The following PRKX variants were observed in gnomAD, a reference collection of about 807,000 sequenced individuals.
PRKX encodes the protein protein kinase cAMP-dependent X-linked catalytic subunit.
Under a neutral mutation model 22.0 loss-of-function variants are expected in PRKX, and 12 were observed. The ratio of observed to expected loss-of-function variants is 0.54; its 90% CI spans 0.35 to 0.88. The LOEUF (loss-of-function observed/expected upper bound fraction) is 0.88. PRKX is among the 40% of genes least tolerant of loss of function. PRKX has a pLI of 0.01. For synonymous variants in PRKX, 134 were observed against 137.7 expected (o/e 0.97, Z 0.19); for missense variants, 217 against 308.0 (o/e 0.70, Z 2.21).
chrX:3,700,409 C>A (rs767330610), intron 1 of PRKX, among the ~76,000 whole-genome samples: 1 of 112,130 alleles, frequency 8.9e-6, no homozygotes, highest in Admixed American at 9.5e-5. Flanking sequence ...AAAATAAAAT[C>A]CTAACCTATT....
rs57311083 is a variant in PRKX, at chrX:3,650,879, TAAAAAAAAAAAAAAA to T, written c.599+4255_599+4269del. The stretch of plus-strand genomic sequence containing the variant: ...GAGTGACAGAGTAAGACCCTGTCTT[TAAAAAAAAAAAAAAA>T]AAAAAAAAAAAATTATTCAAGATGA... On this transcript the variant is annotated intron_variant, in intron 3 of 8. Coordinates refer to ENST00000262848, the MANE Select transcript of PRKX (RefSeq NM_005044.5). Among the ~76,000 whole-genome samples the T allele has an allele frequency of 4.9e-5, 4 of 82,005 alleles. No individual in the cohort carries two copies. In the East Asian group the frequency reaches 1.3e-3, roughly 28 times the overall value. 71.2% of individuals were successfully genotyped at this position (82,005 alleles called of 115,157 possible). A position where few individuals can be genotyped will look rare whatever the true frequency, so the allele number is the denominator to read the frequency against.
intron 1 of PRKX, among the ~76,000 whole-genome samples, chrX:3,702,994 G>T (rs1016396916): frequency 1.8e-5 from 2 of 110,142 alleles, no homozygotes; most frequent in African/African-American, 6.9e-5. Flanking sequence ...AAGCCCAGCC[G>T]TATTTTTCAA....
intron 1 of PRKX, among the ~76,000 whole-genome samples, chrX:3,697,253 C>A (rs1325753396): frequency 9.0e-6 from 1 of 111,182 alleles, no homozygotes; most frequent in Non-Finnish European, 1.9e-5. Flanking sequence ...GTAGTCTCAG[C>A]TACTCGGGAA....
In PRKX at chrX:3,610,437, G is replaced by A. The variant is rs191059381; in HGVS notation, c.*24-1492C>T. The stretch of plus-strand genomic sequence containing the variant: ...GCGGAGGTTGCAGTGAGCTGAGATC[G>A]CACCACTGCAATCCAGCCTGGGCAA... On this transcript the variant is annotated intron_variant, in intron 8 of 8. Transcript: ENST00000262848. Among the ~76,000 whole-genome samples the A allele has an allele frequency of 8.2e-3, 913 of 110,938 alleles. 14 individuals carry two copies. Among genetic ancestry groups the A allele is most frequent in the African/African-American group, 0.029 (881 of 30,544 alleles).
chrX:3,708,337 G>A (rs780190332), intron 1 of PRKX, among the ~76,000 whole-genome samples: 148 of 110,722 alleles, frequency 1.3e-3, no homozygotes, highest in African/African-American at 4.6e-3. Flanking sequence ...CCACCCAGTC[G>A]GTGGTGTTTT....
chrX:3,674,695 T>A lies in PRKX; in HGVS notation c.238A>T (p.Met80Leu). The change falls in exon 2 of 9, where the codon ATG (methionine) becomes TTG (leucine). Residue 80 changes from methionine (M) to leucine (L), a missense_variant. Transcript: ENST00000262848. ...AGGCGGATGACGTCGGGAATGCTCA[T>A]CACCTTGAGGGCGAAGAAATGCTTG... is the stretch of plus-strand genomic sequence containing the variant. ...TAKHFFALKVMSIPDVIRLKQ... is the reference protein window; with the variant it reads ...TAKHFFALKVLSIPDVIRLKQ... The A allele has an allele frequency of 1.7e-6, 2 of 1,211,338 alleles. No individual in the cohort carries two copies. The highest frequency in any genetic ancestry group is 2.2e-6 in the Non-Finnish European group (2 of 895,021).
intron 1 of PRKX, among the ~76,000 whole-genome samples, chrX:3,698,904 T>C (rs1461390956): frequency 9.3e-6 from 1 of 107,498 alleles, no homozygotes; most frequent in Non-Finnish European, 1.9e-5. Flanking sequence ...TTTTCACTTT[T>C]AGAGAGGTGG....
chrX:3,692,231 A>G (rs1187878670), intron 1 of PRKX, among the ~76,000 whole-genome samples: 3 of 109,375 alleles, frequency 2.7e-5, no homozygotes, highest in African/African-American at 1.0e-4. Context: ...GATTCTCTGT[A>G]GGGCCATCCT....
chrX:3,629,618 A>G lies in PRKX; in HGVS notation c.720-3104T>C, dbSNP rs745686432. On this transcript the variant is annotated intron_variant, in intron 4 of 8. Transcript: ENST00000262848. ...ATGTGGCACACAACAGGTGCTCAATAAATGTGTACAGGCCAAATGAAAGAG... is the reference window on the plus strand; with the variant it reads ...ATGTGGCACACAACAGGTGCTCAATGAATGTGTACAGGCCAAATGAAAGAG... 3.6e-5 allele frequency among the ~76,000 whole-genome samples: 4 copies of G among 110,527 alleles called. No individual in the cohort carries two copies. In the East Asian group the frequency reaches 1.1e-3, roughly 32 times the overall value.
chrX:3,695,208 C>A (rs1928420474), intron 1 of PRKX, among the ~76,000 whole-genome samples: 1 of 111,135 alleles, frequency 9.0e-6, no homozygotes, highest in African/African-American at 3.3e-5. Flanking sequence ...GATGAGATCA[C>A]CCTTCTAATT....
intron 2 of PRKX, chrX:3,667,455 C>T (rs1022133684): frequency 9.2e-6 from 1 of 108,717 alleles, no homozygotes; most frequent in African/African-American, 3.4e-5. Flanking sequence ...TACTTTCCGA[C>T]CTGGCTGCAC....
chrX:3,696,342 C>G (rs1290715833), intron 1 of PRKX, among the ~76,000 whole-genome samples: 1 of 111,618 alleles, frequency 9.0e-6, no homozygotes, highest in African/African-American at 3.3e-5. Context: ...ACATTACACC[C>G]CATAAACCCT....
chrX:3,646,585 A>C (rs1927192607), intron 3 of PRKX, among the ~76,000 whole-genome samples: 1 of 111,682 alleles, frequency 9.0e-6, no homozygotes, highest in Admixed American at 9.5e-5. Context: ...CAGGAAATAG[A>C]TGTTCGCTCA....
intron 6 of PRKX, among the ~76,000 whole-genome samples, chrX:3,616,136 T>C (rs1416687968): frequency 3.6e-5 from 4 of 111,338 alleles, no homozygotes; most frequent in Non-Finnish European, 7.5e-5. Flanking sequence ...TGCAATGCAT[T>C]TGCATTCCGG....
intron 1 of PRKX, among the ~76,000 whole-genome samples, chrX:3,676,325 C>A (rs1927954141): frequency 9.0e-6 from 1 of 111,647 alleles, no homozygotes; most frequent in African/African-American, 3.3e-5. Context: ...GCAAATCTCA[C>A]CGATCAATAT....
intron 5 of PRKX, among the ~76,000 whole-genome samples, chrX:3,623,483 G>A (rs1926601185): frequency 9.0e-6 from 1 of 110,977 alleles, no homozygotes. Flanking sequence ...TTGAGCCCAG[G>A]ACGTCGAGGC....
chrX:3,615,512 C>G (rs898984123), intron 7 of PRKX, among the ~76,000 whole-genome samples: 5 of 110,981 alleles, frequency 4.5e-5, no homozygotes, highest in African/African-American at 1.6e-4. Context: ...AGGAATCAGG[C>G]CAGGTCTCCT....
At chrX:3,619,998 G>A (rs1236934233) in intron 6 of PRKX, among the ~76,000 whole-genome samples, 4 of 111,738 alleles carry the variant, frequency 3.6e-5, no homozygotes, top group South Asian at 3.8e-4. Flanking sequence ...GTCAAAACAC[G>A]CATATCAGGT....
intron 1 of PRKX, among the ~76,000 whole-genome samples, chrX:3,711,334 G>A (rs1249330807): frequency 2.7e-5 from 3 of 110,651 alleles, no homozygotes; most frequent in Non-Finnish European, 3.8e-5. Context: ...CTGACTCCCC[G>A]CCCAGCCAGC....
Sources: allele counts gnomAD v4.1 joint callset (sites outside exome capture counted in the v4.1 genomes callset), GRCh38; gene constraint gnomAD v4.1.1; transcripts MANE v1.5; gene names NCBI Gene and HGNC (gene_info 2026-07-23, HGNC 2026-07-21).